KIZ: variants seen among roughly 807,000 people sequenced by gnomAD.
KIZ encodes kizuna centrosomal protein.
Under a neutral mutation model 79.6 loss-of-function variants are expected in KIZ, and 68 were observed. The observed-to-expected ratio is 0.85, with a 90% CI of 0.70 to 1.05. The LOEUF is 1.05. Among genes scored for constraint, KIZ ranks in the 50% least tolerant of loss-of-function variants. The probability of loss-of-function intolerance (pLI) is 0.00; values close to 1 mark genes in which losing one functional copy is unlikely to be tolerated. For missense variants in KIZ, 797 were observed against 800.4 expected, an observed-to-expected ratio of 1.00 and a Z score of 0.05; for synonymous variants, 280 against 281.8, an observed-to-expected ratio of 0.99 and a Z score of 0.06.
chr20:21,173,348 T>G (rs1349533524), intron 6 of KIZ, among the ~76,000 whole-genome samples: 2 of 151,762 alleles, frequency 1.3e-5, no homozygotes, highest in Non-Finnish European at 2.9e-5. Flanking sequence ...GAGGCCAAGA[T>G]GGGTTGATCA....
At chr20:21,233,117 G>C (rs2036889497) in intron 11 of KIZ, among the ~76,000 whole-genome samples, 3 of 152,204 alleles carry the variant, frequency 2.0e-5, no homozygotes, top group African/African-American at 7.2e-5. Context: ...ACTGCTTAGA[G>C]ACCACACAAT....
At chr20:21,218,903 T>C (rs968253056) in intron 9 of KIZ, among the ~76,000 whole-genome samples, 2 of 152,252 alleles carry the variant, frequency 1.3e-5, no homozygotes, top group Non-Finnish European at 2.9e-5. Context: ...TTGTTACAGC[T>C]GTTCCTTGAA....
intron 6 of KIZ, among the ~76,000 whole-genome samples, chr20:21,176,265 G>A (rs146183927): frequency 1.3e-4 from 20 of 152,154 alleles, no homozygotes; most frequent in African/African-American, 3.6e-4. Flanking sequence ...AGCCAAGATC[G>A]CACCACTGCA....
At chr20:21,128,719 T>G (rs1008016921) in intron 1 of KIZ, among the ~76,000 whole-genome samples, 2 of 152,170 alleles carry the variant, frequency 1.3e-5, no homozygotes, top group African/African-American at 4.8e-5. Flanking sequence ...GGTAGAAACT[T>G]ATAAGTGGAA....
chr20:21,187,872 A>G (rs1740944084), intron 6 of KIZ, among the ~76,000 whole-genome samples: 1 of 152,212 alleles, frequency 6.6e-6, no homozygotes, highest in African/African-American at 2.4e-5. Flanking sequence ...TTTTGAAAAT[A>G]CAGAGCCTAA....
At chr20:21,166,571 T>A in intron 6 of KIZ, 1 of 1,405,442 alleles carries the variant, frequency 7.1e-7, no homozygotes, top group Non-Finnish European at 1.0e-6. Flanking sequence ...CTTGAGAGCA[T>A]CTGCCAGGAC....
At chr20:21,167,810 C>T (rs189028043) in intron 6 of KIZ, among the ~76,000 whole-genome samples, 3 of 152,208 alleles carry the variant, frequency 2.0e-5, no homozygotes, top group African/African-American at 7.2e-5. Flanking sequence ...ATTTGCCTGC[C>T]TTCAAAGTGC....
At chr20:21,187,918 A>G (rs988623795) in intron 6 of KIZ, among the ~76,000 whole-genome samples, 2 of 152,216 alleles carry the variant, frequency 1.3e-5, no homozygotes, top group Admixed American at 6.5e-5. Flanking sequence ...AAGTTGTATG[A>G]TAATAAGACA....
chr20:21,226,630 G>A (rs142720510), intron 9 of KIZ, among the ~76,000 whole-genome samples: 32 of 152,338 alleles, frequency 2.1e-4, no homozygotes, highest in African/African-American at 7.2e-4. Flanking sequence ...TTTGACGTCT[G>A]TGGTCCTGCC....
At chr20:21,189,721 A>G (rs763893128) in intron 6 of KIZ, among the ~76,000 whole-genome samples, 13 of 152,198 alleles carry the variant, frequency 8.5e-5, no homozygotes, top group Admixed American at 2.6e-4. Context: ...CCATAATTCA[A>G]GCTGTCAGCT....
At position 21,220,851 on chromosome 20, in the gene KIZ, C is replaced by T. The variant is rs570536058; in HGVS notation, c.1678+5203C>T. Among the ~76,000 whole-genome samples the T allele has an allele frequency of 2.6e-5, 4 of 152,322 alleles. No homozygotes were observed. In the East Asian group the frequency reaches 5.8e-4, roughly 22 times the overall value. Reference sequence around the variant, plus strand: ...TCCGGATCAATTAAACATCAGTGTACATCATAACAGAAGATGGGCTTTGCA... The same window carrying T: ...TCCGGATCAATTAAACATCAGTGTATATCATAACAGAAGATGGGCTTTGCA... On this transcript the variant is annotated intron_variant, in intron 9 of 12. Transcript: ENST00000619189.
At chr20:21,173,460 C>T (rs369988970) in intron 6 of KIZ, among the ~76,000 whole-genome samples, 17 of 151,846 alleles carry the variant, frequency 1.1e-4, no homozygotes, top group African/African-American at 4.1e-4. Flanking sequence ...TGCCTGTAAT[C>T]CCAGCTACTT....
At chr20:21,161,771 A>T in intron 4 of KIZ, 100 bp from the exon 5 acceptor site, 5 of 753,638 alleles carry the variant, frequency 6.6e-6, no homozygotes, top group Non-Finnish European at 1.1e-5. Context: ...TTCAATAATC[A>T]TGCTTTGTTT....
intron 7 of KIZ, among the ~76,000 whole-genome samples, chr20:21,207,445 C>A (rs75521292): frequency 0.015 from 1,881 of 128,574 alleles, 16 homozygotes; most frequent in Non-Finnish European, 0.021. Context: ...TCCTCATCTT[C>A]CTCCTTTCCC....
chr20:21,135,713 G>A (rs1007664201), intron 2 of KIZ, among the ~76,000 whole-genome samples: 13 of 152,134 alleles, frequency 8.5e-5, no homozygotes, highest in African/African-American at 2.7e-4. Flanking sequence ...GAGAAAAGTC[G>A]ACTACACAAC....
intron 6 of KIZ, among the ~76,000 whole-genome samples, chr20:21,168,027 C>T (rs1008305396): frequency 4.6e-5 from 7 of 152,054 alleles, no homozygotes; most frequent in African/African-American, 1.4e-4. Context: ...CCCAGTAACT[C>T]GTCATTTAAC....
chr20:21,235,582 C>T (rs1402296058), intron 11 of KIZ, among the ~76,000 whole-genome samples: 1 of 152,316 alleles, frequency 6.6e-6, no homozygotes, highest in East Asian at 1.9e-4. Flanking sequence ...CCTTCCCCAG[C>T]AAGCGGTTTT....
At chr20:21,134,844 T>C (rs775263600) in intron 2 of KIZ, among the ~76,000 whole-genome samples, 19 of 151,894 alleles carry the variant, frequency 1.3e-4, no homozygotes, top group South Asian at 4.2e-4. Context: ...TTTTTGTATT[T>C]TTAGTAGAGG....
chr20:21,245,045 C>T (rs1056147560), intron 12 of KIZ: 1 of 152,404 alleles, frequency 6.6e-6, no homozygotes, highest in Non-Finnish European at 1.5e-5. Flanking sequence ...CCTACCATAA[C>T]ACTGTGGCAT....
Sources: allele counts gnomAD v4.1 joint callset (sites outside exome capture counted in the v4.1 genomes callset), GRCh38; gene constraint gnomAD v4.1.1; transcripts MANE v1.5; gene names NCBI Gene and HGNC (gene_info 2026-07-23, HGNC 2026-07-21).